BCL7A: variants seen among roughly 807,000 people sequenced by gnomAD.
BCL7A encodes the protein BAF chromatin remodeling complex subunit BCL7A, also known as B-cell CLL/lymphoma 7 protein family member A.
In BCL7A, 11 loss-of-function variants were observed where a neutral mutation model predicts 28.4. That is an observed-to-expected ratio of 0.39 (90% confidence interval 0.24 to 0.64). The LOEUF (loss-of-function observed/expected upper bound fraction) is 0.64. Ranked by LOEUF, BCL7A falls within the 30% of genes least tolerant of loss-of-function variation. BCL7A has a pLI of 0.50. For missense variants in BCL7A, 222 were observed against 274.8 expected (o/e 0.81, Z 1.36); for synonymous variants, 123 against 103.3 (o/e 1.19, Z -1.15).
intron 2 of BCL7A, among the ~76,000 whole-genome samples, chr12:122,034,243 A>G (rs1338175880): frequency 2.8e-4 from 25 of 90,286 alleles, no homozygotes; most frequent in Non-Finnish European, 4.6e-4. Context: ...ATATATATAT[A>G]TCTTGGCGAT....
chr12:122,037,863 C>T (rs1056044457), intron 3 of BCL7A, among the ~76,000 whole-genome samples: 2 of 152,162 alleles, frequency 1.3e-5, no homozygotes, highest in Admixed American at 6.6e-5. Flanking sequence ...GCAGGAGAAT[C>T]GCTTGAACTC....
chr12:122,024,391 G>A (rs1883564637), intron 1 of BCL7A, among the ~76,000 whole-genome samples: 1 of 152,112 alleles, frequency 6.6e-6, no homozygotes, highest in African/African-American at 2.4e-5. Flanking sequence ...CCTGGGCGCA[G>A]GAGGAGCTGT....
chr12:122,031,887 C>A (rs748024636), intron 2 of BCL7A, among the ~76,000 whole-genome samples: 24 of 152,226 alleles, frequency 1.6e-4, no homozygotes, highest in Admixed American at 1.2e-3. Context: ...CCTCCAGAGA[C>A]CCCTCTCATT....
At chr12:122,050,860 G>A (rs1396803638) in intron 4 of BCL7A, among the ~76,000 whole-genome samples, 2 of 152,214 alleles carry the variant, frequency 1.3e-5, no homozygotes, top group Non-Finnish European at 2.9e-5. Flanking sequence ...GGGCGAGAAC[G>A]CCAGCAAAGT....
chr12:122,038,628 C>A (rs1883905708), intron 3 of BCL7A, among the ~76,000 whole-genome samples: 1 of 151,934 alleles, frequency 6.6e-6, no homozygotes, highest in South Asian at 2.1e-4. Context: ...ACTGGGGAGA[C>A]CCCACGCCCG....
chr12:122,042,569 G>A (rs575855556), intron 3 of BCL7A, among the ~76,000 whole-genome samples: 1 of 150,782 alleles, frequency 6.6e-6, no homozygotes, highest in African/African-American at 2.4e-5. Context: ...AGTATTGCTT[G>A]AACCCAGGAG....
At chr12:122,031,361 C>G (rs1418880936) in intron 2 of BCL7A, among the ~76,000 whole-genome samples, 3 of 152,096 alleles carry the variant, frequency 2.0e-5, no homozygotes, top group African/African-American at 7.2e-5. Context: ...AGCGCCCCCC[C>G]CAGGGCTTGG....
In BCL7A at chr12:122,059,052, G is replaced by C. The variant is rs762858675; in HGVS notation, c.562-40G>C. ...CACGCCTGGCCTAACTTGCTCTCCT[G>C]GCCCATTAACCTGTGTTCCCCTTTT... On this transcript the variant is annotated intron_variant, in intron 5 of 5. Coordinates refer to ENST00000261822, the MANE Select transcript of BCL7A (RefSeq NM_001024808.3). The surrounding 1 kb of genome is among the most constrained non-coding windows in gnomAD (Gnocchi z 4.0). 6 of 1,541,590 alleles carry C rather than the reference G, an allele frequency of 3.9e-6. No individual in the cohort carries two copies. The highest frequency in any genetic ancestry group is 4.5e-6 in the Non-Finnish European group (5 of 1,114,076).
At chr12:122,033,994 C>T (rs75493897) in intron 2 of BCL7A, among the ~76,000 whole-genome samples, 6,852 of 151,440 alleles carry the variant, frequency 0.045, 237 homozygotes, top group Non-Finnish European at 0.068. Context: ...CCTCTCATCC[C>T]TGCATGCACC....
chr12:122,050,478 C>G (rs1207546362), intron 4 of BCL7A, among the ~76,000 whole-genome samples: 1 of 152,186 alleles, frequency 6.6e-6, no homozygotes, highest in Non-Finnish European at 1.5e-5. Flanking sequence ...ATGTGTCGTC[C>G]CCTCTCATCT....
chr12:122,030,603 T>C, intron 1 of BCL7A, 97 bp from the exon 2 acceptor site: 1 of 1,142,002 alleles, frequency 8.8e-7, no homozygotes, highest in Non-Finnish European at 1.3e-6. Context: ...CCCTCATCTG[T>C]GTGATCTGGA....
chr12:122,056,054 C>T, intron 5 of BCL7A, among the ~76,000 whole-genome samples: 1 of 152,210 alleles, frequency 6.6e-6, no homozygotes, highest in East Asian at 1.9e-4. Flanking sequence ...TAGGGCGCAG[C>T]CATCTAGAAG....
At position 122,059,373 on chromosome 12, in the gene BCL7A, G is replaced by A; in HGVS notation, c.*210G>A. Reference sequence around the variant, plus strand: ...TGAAGCAAAACACTCAAACCTTTAAGGGACTGTCCTTGGGGAGGCAGGCGG... The same window carrying A: ...TGAAGCAAAACACTCAAACCTTTAAAGGACTGTCCTTGGGGAGGCAGGCGG... On this transcript the variant is annotated 3_prime_UTR_variant, in exon 6 of 6. Transcript: ENST00000261822. This position sits in a 1 kb window ranked among gnomAD's most constrained non-coding sequence, Gnocchi z 4.0. 1 of 523,808 alleles carries A rather than the reference G, an allele frequency of 1.9e-6. No individual in the cohort carries two copies. Among genetic ancestry groups the A allele is most frequent in the Non-Finnish European group, 3.4e-6 (1 of 290,268 alleles). 32.4% of individuals were successfully genotyped at this position (523,808 alleles called of 1,614,324 possible).
intron 3 of BCL7A, among the ~76,000 whole-genome samples, chr12:122,037,348 TA>T (rs1344665368): frequency 3.3e-5 from 5 of 152,164 alleles, no homozygotes; most frequent in Admixed American, 2.6e-4. Context: ...GACAAATAAC[TA>T]AAAAAGGAAC....
chr12:122,023,763 A>C, intron 1 of BCL7A, among the ~76,000 whole-genome samples: 1 of 152,264 alleles, frequency 6.6e-6, no homozygotes, highest in African/African-American at 2.4e-5. Context: ...GCCAACACAC[A>C]CACGCTGGAA....
intron 5 of BCL7A, 130 bp from the exon 6 acceptor site, chr12:122,058,961 TG>T: frequency 1.4e-6 from 1 of 701,066 alleles, no homozygotes. Flanking sequence ...GCCTCGGGTC[TG>T]GAACTGCTGG....
rs1054142046 is a variant in BCL7A at position 122,021,930 on chromosome 12, ATGTGTGTG to A, written c.-141_-134del. 44 of 388,182 alleles carry A rather than the reference ATGTGTGTG, an allele frequency of 1.1e-4. No homozygotes were observed. The highest frequency in any genetic ancestry group is 2.2e-4 in the South Asian group (8 of 35,804). 24.0% of individuals were successfully genotyped at this position (388,182 alleles called of 1,614,324 possible). A position where few individuals can be genotyped will look rare whatever the true frequency, so the allele number is the denominator to read the frequency against. ...GGCCCCGGGCTTTGTGTGTGTGTGTATGTGTGTGTGTGTGTGTGTGTGTGTGTGAGTGT... is the reference window on the plus strand; with the variant it reads ...GGCCCCGGGCTTTGTGTGTGTGTGTATGTGTGTGTGTGTGTGTGTGAGTGT... On this transcript the variant is annotated 5_prime_UTR_variant, in exon 1 of 6. It removes the in-frame stop codon of an upstream open reading frame in the 5' UTR. Transcript: ENST00000261822.
chr12:122,056,137 G>A (rs377352988), intron 5 of BCL7A, among the ~76,000 whole-genome samples: 2 of 152,206 alleles, frequency 1.3e-5, no homozygotes, highest in African/African-American at 2.4e-5. Flanking sequence ...CTGCAGATCC[G>A]CAGGCGTAGC....
At chr12:122,024,274 A>G (rs1883560380) in intron 1 of BCL7A, among the ~76,000 whole-genome samples, 1 of 152,208 alleles carries the variant, frequency 6.6e-6, no homozygotes, top group Non-Finnish European at 1.5e-5. Context: ...CCTTGGGCAT[A>G]TCATTGTCAC....
Sources: allele counts gnomAD v4.1 joint callset (sites outside exome capture counted in the v4.1 genomes callset), GRCh38; gene constraint gnomAD v4.1.1; non-coding constraint Gnocchi (gnomAD v3.1); transcripts MANE v1.5; gene names NCBI Gene and HGNC (gene_info 2026-07-23, HGNC 2026-07-21).